NR5A1: variants seen among roughly 807,000 people sequenced by gnomAD.
The protein encoded by NR5A1 is nuclear receptor subfamily 5 group A member 1.
Under a neutral mutation model 42.7 loss-of-function variants are expected in NR5A1, and 6 were observed. That is an observed-to-expected ratio of 0.14 (90% CI 0.08 to 0.28). The LOEUF is 0.28. NR5A1 is among the 10% of genes least tolerant of loss of function. The probability of loss-of-function intolerance (pLI) is 1.00; values close to 1 mark genes in which losing one functional copy is unlikely to be tolerated. For missense variants in NR5A1, 442 were observed against 626.4 expected (o/e 0.71, Z 3.14); for synonymous variants, 274 against 277.5 (o/e 0.99, Z 0.12).
At chr9:124,490,371 A>G (rs1398624647) in intron 6 of NR5A1, among the ~76,000 whole-genome samples, 1 of 152,044 alleles carries the variant, frequency 6.6e-6, no homozygotes, top group East Asian at 1.9e-4. Flanking sequence ...CTTTCCAGGG[A>G]GTGAGGGTGC....
At chr9:124,485,070 T>G (rs1832187733) in intron 6 of NR5A1, among the ~76,000 whole-genome samples, 1 of 152,098 alleles carries the variant, frequency 6.6e-6, no homozygotes, top group Non-Finnish European at 1.5e-5. Flanking sequence ...GCCTTCCTCC[T>G]CCCTGGAGGG....
chr9:124,494,137 C>G (rs1005372870), intron 4 of NR5A1, among the ~76,000 whole-genome samples: 2 of 152,228 alleles, frequency 1.3e-5, no homozygotes, highest in Non-Finnish European at 2.9e-5. Flanking sequence ...GTGCCACTCA[C>G]CAGCTGGCCA....
intron 6 of NR5A1, among the ~76,000 whole-genome samples, chr9:124,486,353 G>A (rs1260348131): frequency 6.6e-6 from 1 of 152,188 alleles, no homozygotes; most frequent in African/African-American, 2.4e-5. Context: ...CAGACATCCA[G>A]ACAGGCAGGG....
intron 6 of NR5A1, among the ~76,000 whole-genome samples, chr9:124,486,211 C>T (rs1415799990): frequency 3.3e-5 from 5 of 152,134 alleles, no homozygotes; most frequent in African/African-American, 1.2e-4. Flanking sequence ...CGACTGCCCC[C>T]AGAGGTCAGC....
intron 6 of NR5A1, among the ~76,000 whole-genome samples, chr9:124,485,382 G>A (rs759454493): frequency 3.9e-5 from 6 of 152,096 alleles, no homozygotes; most frequent in Non-Finnish European, 7.4e-5. Context: ...CTTAACACCC[G>A]CTGCACCAGG....
intron 1 of NR5A1, among the ~76,000 whole-genome samples, chr9:124,506,242 A>G (rs1337059621): frequency 6.6e-6 from 1 of 152,192 alleles, no homozygotes; most frequent in Non-Finnish European, 1.5e-5. Flanking sequence ...CTGAAACGAG[A>G]GCCTCAGTTT....
chr9:124,498,192 T>A lies in NR5A1; in HGVS notation c.870+1898A>T, dbSNP rs1229383034. Among the ~76,000 whole-genome samples the A allele has an allele frequency of 6.6e-6, 1 of 151,924 alleles. No individual in the cohort carries two copies. The highest frequency in any genetic ancestry group is 1.5e-5 in the Non-Finnish European group (1 of 67,966). On this transcript the variant is annotated intron_variant, in intron 4 of 6. Coordinates refer to ENST00000373588, the MANE Select transcript of NR5A1 (RefSeq NM_004959.5). The surrounding 1 kb of genome is among the most constrained non-coding windows in gnomAD (Gnocchi z 4.6). ...CACCCACACCCCTCCCACTTTTCTG[T>A]CTCCTCACCTCTGGACTTTGCAAAG...
chr9:124,504,883 C>T (rs1212307112), intron 1 of NR5A1, among the ~76,000 whole-genome samples: 5 of 144,642 alleles, frequency 3.5e-5, no homozygotes, highest in African/African-American at 5.0e-5. Context: ...CGCCTCCCCG[C>T]CCCCCATCCT....
At chr9:124,489,460 C>A (rs1172892798) in intron 6 of NR5A1, among the ~76,000 whole-genome samples, 2 of 152,256 alleles carry the variant, frequency 1.3e-5, no homozygotes, top group African/African-American at 2.4e-5. Flanking sequence ...TCAGAAACCA[C>A]AAGCGTATGA....
chr9:124,503,044 G>A lies in NR5A1; in HGVS notation c.244+35C>T, dbSNP rs900826379. 2 of 1,543,754 alleles carry A rather than the reference G, an allele frequency of 1.3e-6. No individual in the cohort carries two copies. The highest frequency in any genetic ancestry group is 8.7e-7 in the Non-Finnish European group (1 of 1,149,230). On this transcript the variant is annotated intron_variant, in intron 3 of 6. Transcript: ENST00000373588. The surrounding 1 kb of genome is among the most constrained non-coding windows in gnomAD (Gnocchi z 9.6). ...CCCACCCCCTACCCCCTCAGGCTGT[G>A]GGGGGTCAGGGGTCGAGGCCCGCGC...
Position 124,482,967 on chromosome 9 carries a change from C to T in NR5A1, c.1177G>A (p.Ala393Thr), listed in dbSNP as rs1832151781. Residue 393 changes from alanine to threonine, a missense_variant, in exon 7 of 7, where the codon GCT (alanine) becomes ACT (threonine). Transcript: ENST00000373588. ...FLNNHILVKD[A>T]QEKANAALLD... ...AGGGCGGCGTTGGCCTTCTCCTGAG[C>T]GTCTTTCACCAGGATGTGGTTATTC... 4 of 1,614,024 alleles carry T rather than the reference C, an allele frequency of 2.5e-6. No homozygotes were observed. The highest frequency in any genetic ancestry group is 3.4e-6 in the Non-Finnish European group (4 of 1,180,056).
chr9:124,484,269 C>T (rs935102458), intron 6 of NR5A1, among the ~76,000 whole-genome samples: 2 of 152,200 alleles, frequency 1.3e-5, no homozygotes, highest in South Asian at 4.1e-4. Flanking sequence ...GGGGCCATCT[C>T]TGCTCATGGT....
rs200862223 is a variant in NR5A1, at chr9:124,500,669, C to T, written c.291G>A (p.Pro97=). ...TCAGGGCCCGGTCCCGCTTGTACAT[C>T]GGCCCAAACTTGTTCCGGCCACCCC... ...RMRGGRNKFG[P]MYKRDRALKQ... is the part of the protein sequence containing the mutation. The change falls in exon 4 of 7, where the codon CCG becomes CCA. Residue 97 remains proline (P), a synonymous_variant. Coordinates refer to ENST00000373588, the MANE Select transcript of NR5A1 (RefSeq NM_004959.5). The surrounding 1 kb of genome is among the most constrained non-coding windows in gnomAD (Gnocchi z 6.9). 2.6e-5 allele frequency: 42 copies of T among 1,613,196 alleles called. No homozygotes were observed. The highest frequency in any genetic ancestry group is 2.1e-4 in the South Asian group (19 of 91,090).
chr9:124,493,020 G>T lies in NR5A1; in HGVS notation c.990+10C>A. 6.3e-7 allele frequency: 1 copy of T among 1,585,758 alleles called. No individual in the cohort carries two copies. The highest frequency in any genetic ancestry group is 2.3e-5 in the East Asian group (1 of 44,016). On this transcript the variant is annotated intron_variant, in intron 5 of 6. Coordinates refer to ENST00000373588, the MANE Select transcript of NR5A1 (RefSeq NM_004959.5). ...GCGGGGCCCAGGGGCGGGGCCGAGG[G>T]ACTGGTCACCTCCTGCCCGGTGACC...
chr9:124,503,426 G>A lies in NR5A1; in HGVS notation c.-15-16C>T. 2 of 1,578,636 alleles carry A rather than the reference G, an allele frequency of 1.3e-6. No homozygotes were observed. The highest frequency in any genetic ancestry group is 4.7e-5 in the East Asian group (2 of 42,966). On this transcript the variant is annotated splice_polypyrimidine_tract_variant and intron_variant, in intron 1 of 6. Transcript: ENST00000373588. The surrounding 1 kb of genome is among the most constrained non-coding windows in gnomAD (Gnocchi z 9.6). ...CGGCGTCCGCCTGCGGAGGGACAGC[G>A]GGTCAGGGAGGGCCGGCGGAGACCG... is the stretch of plus-strand genomic sequence containing the variant.
chr9:124,492,359 C>T (rs1832328970), intron 5 of NR5A1, among the ~76,000 whole-genome samples: 1 of 151,568 alleles, frequency 6.6e-6, no homozygotes, highest in Admixed American at 6.6e-5. Flanking sequence ...CGCCTGCCTC[C>T]TCAGATACCA....
chr9:124,487,522 A>G (rs1431464325), intron 6 of NR5A1, among the ~76,000 whole-genome samples: 3 of 152,248 alleles, frequency 2.0e-5, no homozygotes, highest in Non-Finnish European at 2.9e-5. Flanking sequence ...ACTAATTTTA[A>G]TTAAACCTCC....
At position 124,503,261 on chromosome 9, in the gene NR5A1, C is replaced by A; in HGVS notation, c.102+33G>T. ...GTCAGCGAGGCCCCGCAGCGCCCGTCTGCCGCACCCCTGCCGCGCGCTCGC... is the reference window on the plus strand; with the variant it reads ...GTCAGCGAGGCCCCGCAGCGCCCGTATGCCGCACCCCTGCCGCGCGCTCGC... On this transcript the variant is annotated intron_variant, in intron 2 of 6. Transcript: ENST00000373588. The surrounding 1 kb of genome is among the most constrained non-coding windows in gnomAD (Gnocchi z 9.6). The A allele has an allele frequency of 6.2e-7, 1 of 1,605,810 alleles. No homozygotes were observed. The highest frequency in any genetic ancestry group is 8.5e-7 in the Non-Finnish European group (1 of 1,176,946).
At chr9:124,506,144 C>T (rs1012840584) in intron 1 of NR5A1, among the ~76,000 whole-genome samples, 2 of 152,230 alleles carry the variant, frequency 1.3e-5, no homozygotes, top group Non-Finnish European at 2.9e-5. Context: ...GAGAACCCCC[C>T]GCGCAGACCG....
Sources: gnomAD v4.1 joint callset for allele counts (sites outside exome capture counted in the v4.1 genomes callset) on GRCh38, gnomAD v4.1.1 for gene constraint, Gnocchi (gnomAD v3.1) non-coding constraint, MANE v1.5 for transcripts, NCBI Gene and HGNC (gene_info 2026-07-23, HGNC 2026-07-21) for gene names.